Variants in CDH3 observed in about 807,000 individuals in gnomAD.
The protein encoded by CDH3 is cadherin 3, also known as cadherin-3.
In CDH3, 54 loss-of-function variants were observed where a neutral mutation model predicts 82.0. The ratio of observed to expected loss-of-function variants is 0.66; its 90% confidence interval spans 0.53 to 0.83. CDH3 has a LOEUF of 0.83. CDH3 is among the 40% of genes least tolerant of loss of function. CDH3 has a pLI of 0.00. For missense variants in CDH3, 1,054 were observed against 1,084.6 expected (o/e 0.97, Z 0.40); for synonymous variants, 446 against 437.9 (o/e 1.02, Z -0.23).
At chr16:68,673,634 T>C (rs1960950965) in intron 2 of CDH3, among the ~76,000 whole-genome samples, 1 of 152,094 alleles carries the variant, frequency 6.6e-6, no homozygotes, top group East Asian at 1.9e-4. Context: ...TTTCAAAAAA[T>C]TCGTATAGAG....
At chr16:68,682,017 C>T (rs555065652) in intron 8 of CDH3, among the ~76,000 whole-genome samples, 87 of 152,200 alleles carry the variant, frequency 5.7e-4, no homozygotes, top group African/African-American at 2.0e-3. Context: ...GATAGCTACA[C>T]GTGGCAGGGG....
At chr16:68,651,910 C>T (rs546044317) in intron 2 of CDH3, 31 of 405,290 alleles carry the variant, frequency 7.6e-5, no homozygotes, top group South Asian at 2.5e-4. Context: ...TTGACCTCGG[C>T]GGAGAGCCAG....
chr16:68,687,051 C>T (rs1427828760), intron 11 of CDH3, among the ~76,000 whole-genome samples: 1 of 152,156 alleles, frequency 6.6e-6, no homozygotes, highest in East Asian at 1.9e-4. Flanking sequence ...TGTCAGTTTT[C>T]CCTTGTGATT....
Position 68,680,726 on chromosome 16 carries a change from G to A in CDH3, c.868-242G>A, listed in dbSNP as rs762679797. ...CTGGAGCAGTTAAGGGTCAGGGGGC[G>A]ATGCCAAGGCTTCCCTAGGACAGGC... On this transcript the variant is annotated intron_variant, in intron 7 of 15. Coordinates refer to ENST00000264012, the MANE Select transcript of CDH3 (RefSeq NM_001793.6). Among the ~76,000 whole-genome samples, 11 of 152,132 alleles carry A rather than the reference G, an allele frequency of 7.2e-5. No individual in the cohort carries two copies. The East Asian group carries it at 1.3e-3, about 19-fold the overall frequency.
chr16:68,702,772 G>A (rs1233665566), downstream of CDH3, among the ~76,000 whole-genome samples: 1 of 152,080 alleles, frequency 6.6e-6, no homozygotes, highest in East Asian at 1.9e-4. Context: ...GGCTGAGGGA[G>A]GAGAATCGCT....
At chr16:68,719,072 G>A (rs917075398) in intron 1 of CDH3, among the ~76,000 whole-genome samples, 1 of 151,792 alleles carries the variant, frequency 6.6e-6, no homozygotes, top group Admixed American at 6.6e-5. Flanking sequence ...GTGAAACCCC[G>A]TCTCTACTAA....
At chr16:68,711,528 G>A (rs1962031462) in intron 1 of CDH3, among the ~76,000 whole-genome samples, 1 of 152,132 alleles carries the variant, frequency 6.6e-6, no homozygotes, top group South Asian at 2.1e-4. Flanking sequence ...GCTGCACGCA[G>A]GGCTGGCTGC....
intron 7 of CDH3, 62 bp from the exon 8 acceptor site, chr16:68,680,906 G>A: frequency 6.3e-7 from 1 of 1,599,304 alleles, no homozygotes; most frequent in Admixed American, 1.7e-5. Flanking sequence ...GCTTCCTGGA[G>A]GTCAGGGGAG....
At chr16:68,680,162 C>T (rs1474641153) in intron 7 of CDH3, among the ~76,000 whole-genome samples, 188 bp downstream of exon 7, 3 of 152,226 alleles carry the variant, frequency 2.0e-5, no homozygotes, top group African/African-American at 7.2e-5. Flanking sequence ...TGGCCCGCTG[C>T]CAGCCAATCT....
Position 68,684,759 on chromosome 16 carries a change from C to A in CDH3, c.1359C>A (p.Ile453=), listed in dbSNP as rs1455855763. The change falls in exon 10 of 16, where the codon ATC becomes ATA. Residue 453 remains isoleucine, a synonymous_variant. Coordinates refer to ENST00000264012, the MANE Select transcript of CDH3 (RefSeq NM_001793.6). ...PSKVVEVQEG[I]PTGEPVCVYT... is the part of the protein sequence containing the mutation. ...AAGTCGTTGAGGTCCAGGAGGGCAT[C>A]CCCACTGGGGAGCCTGTGTGTGTCT... 6.2e-7 allele frequency: 1 copy of A among 1,614,138 alleles called. No individual in the cohort carries two copies. The highest frequency in any genetic ancestry group is 1.7e-5 in the Admixed American group (1 of 60,012).
rs1347747808 is a variant in CDH3, at chr16:68,679,850, C to T, written c.743C>T (p.Thr248Ile). The T allele has an allele frequency of 6.2e-7, 1 of 1,613,496 alleles. No homozygotes were observed. The highest frequency in any genetic ancestry group is 8.5e-7 in the Non-Finnish European group (1 of 1,179,568). Residue 248 changes from threonine to isoleucine, a missense_variant, in exon 7 of 16, where the codon ACC becomes ATC. Coordinates refer to ENST00000264012, the MANE Select transcript of CDH3 (RefSeq NM_001793.6). ...ACGGATGAGGATGATGCCATCTACA[C>T]CTACAATGGGGTGGTTGCTTACTCC... The part of the protein sequence containing the change: ...TATDEDDAIY[T>I]YNGVVAYSIH...
chr16:68,665,807 G>T (rs894030926), intron 2 of CDH3, among the ~76,000 whole-genome samples: 3 of 152,080 alleles, frequency 2.0e-5, no homozygotes, highest in Admixed American at 6.5e-5. Flanking sequence ...GGGTTATGAG[G>T]AACTTGATGA....
rs769532037 is a variant in CDH3, at chr16:68,700,266, T to A, written c.*1866T>A. 6.6e-6 allele frequency: 1 copy of A among 152,256 alleles called. No individual in the cohort carries two copies. Among genetic ancestry groups the A allele is most frequent in the Non-Finnish European group, 1.5e-5 (1 of 68,044 alleles). 9.4% of individuals were successfully genotyped at this position (152,256 alleles called of 1,614,324 possible). A position where few individuals can be genotyped will look rare whatever the true frequency, so the allele number is the denominator to read the frequency against. ...GAAGTGAAGCTGAGGAAATTGCTGA[T>A]GTTGAAATAAACATTTCCTTCCATG... On this transcript the variant is annotated 3_prime_UTR_variant, in exon 16 of 16. Transcript: ENST00000264012.
intron 1 of CDH3, among the ~76,000 whole-genome samples, chr16:68,708,071 T>C (rs1961986408): frequency 6.6e-6 from 1 of 151,874 alleles, no homozygotes; most frequent in Admixed American, 6.6e-5. Context: ...CTCAAGACTG[T>C]AATCTCAGCA....
chr16:68,678,948 C>T, intron 6 of CDH3, 42 bp downstream of exon 6: 1 of 1,602,862 alleles, frequency 6.2e-7, no homozygotes, highest in Non-Finnish European at 8.5e-7. Context: ...GCTGGGCCCA[C>T]ACCCTTAAAT....
chr16:68,658,530 T>C (rs970992839), intron 2 of CDH3, among the ~76,000 whole-genome samples: 1 of 152,130 alleles, frequency 6.6e-6, no homozygotes, highest in African/African-American at 2.4e-5. Context: ...TCGGCTGCTC[T>C]CCTGGGTGTC....
At chr16:68,731,952 A>C (rs1461423793), downstream of CDH3, among the ~76,000 whole-genome samples, 4 of 152,350 alleles carry the variant, frequency 2.6e-5, no homozygotes, top group East Asian at 7.7e-4. Flanking sequence ...AATTGCAAAA[A>C]ACTACTGTTG....
chr16:68,649,755 G>A (rs890221599), intron 2 of CDH3, among the ~76,000 whole-genome samples: 2 of 152,044 alleles, frequency 1.3e-5, no homozygotes, highest in South Asian at 2.1e-4. Flanking sequence ...ACTGAGGGGC[G>A]AGGCGCGGTG....
At chr16:68,702,456 G>C (rs1961909215), downstream of CDH3, among the ~76,000 whole-genome samples, 1 of 152,034 alleles carries the variant, frequency 6.6e-6, no homozygotes, top group African/African-American at 2.4e-5. Flanking sequence ...TTGAATGTGG[G>C]GTTCACTCTT....
Sources: allele counts gnomAD v4.1 joint callset (sites outside exome capture counted in the v4.1 genomes callset), GRCh38; gene constraint gnomAD v4.1.1; transcripts MANE v1.5; gene names NCBI Gene and HGNC (gene_info 2026-07-23, HGNC 2026-07-21).